The following LANCL3 variants were observed in gnomAD, a reference collection of about 807,000 sequenced individuals.
LANCL3 encodes the protein LanC like family member 3, also known as lanC-like protein 3.
A neutral mutation model predicts 26.5 loss-of-function variants in LANCL3; 19 were observed. The ratio of observed to expected loss-of-function variants is 0.72; its 90% CI spans 0.50 to 1.05. LANCL3 has a LOEUF of 1.05. Ranked by LOEUF, LANCL3 falls within the 50% of genes least tolerant of loss-of-function variation. The pLI is 0.00. For missense variants in LANCL3, 318 were observed against 362.7 expected, an observed-to-expected ratio of 0.88 and a Z score of 1.00; for synonymous variants, 160 against 166.6, an observed-to-expected ratio of 0.96 and a Z score of 0.30.
chrX:37,587,175 A>G (rs1388567813), intron 1 of LANCL3, among the ~76,000 whole-genome samples: 3 of 112,415 alleles, frequency 2.7e-5, no homozygotes, highest in Non-Finnish European at 5.6e-5. Context: ...TCAGAGGGGT[A>G]CCCGGCTGTG....
At chrX:37,590,960 G>A (rs1924255090) in intron 1 of LANCL3, among the ~76,000 whole-genome samples, 1 of 111,938 alleles carries the variant, frequency 8.9e-6, no homozygotes, top group East Asian at 2.8e-4. Flanking sequence ...TTCTTAGACT[G>A]TACCCTTAAC....
rs1389442392 is a variant in LANCL3, at chrX:37,681,769, CCT to C, written c.*5961_*5962del. The C allele has an allele frequency of 9.0e-6, 1 of 111,209 alleles. No individual in the cohort carries two copies. Among genetic ancestry groups the C allele is most frequent in the African/African-American group, 3.3e-5 (1 of 30,547 alleles). 9.2% of individuals were successfully genotyped at this position (111,209 alleles called of 1,213,427 possible). ...CTCCATAAGAAAAACTTTGTGTTTT[CCT>C]CTCTTTCTCCACTCCTTTTGGGGCC... On this transcript the variant is annotated 3_prime_UTR_variant, in exon 5 of 5. Coordinates refer to ENST00000378619, the MANE Select transcript of LANCL3 (RefSeq NM_001170331.2).
In LANCL3 at chrX:37,679,722, G is replaced by A. The variant is rs1445564104; in HGVS notation, c.*3909G>A. ...CCCAAATTAATAGCTAAATGACTGA[G>A]CCTCAAATTTGCCGAGCCCGTGTAA... On this transcript the variant is annotated 3_prime_UTR_variant, in exon 5 of 5. Transcript: ENST00000378619. The A allele has an allele frequency of 9.0e-6, 1 of 111,318 alleles. No homozygotes were observed. The highest frequency in any genetic ancestry group is 1.9e-5 in the Non-Finnish European group (1 of 53,065). The allele number at this position is 111,318 out of a possible 1,213,427, so 9.2% of individuals were successfully genotyped here. A position where few individuals can be genotyped will look rare whatever the true frequency, so the allele number is the denominator to read the frequency against.
chrX:37,670,940 G>T (rs189289870), intron 4 of LANCL3, among the ~76,000 whole-genome samples: 37 of 111,294 alleles, frequency 3.3e-4, no homozygotes, highest in Admixed American at 6.7e-4. Flanking sequence ...TAGGTTTATT[G>T]TGAGTGGACT....
At chrX:37,590,354 AT>A (rs1289732158) in intron 1 of LANCL3, among the ~76,000 whole-genome samples, 1 of 112,741 alleles carries the variant, frequency 8.9e-6, no homozygotes, top group Non-Finnish European at 1.9e-5. Flanking sequence ...GGTCATGTAC[AT>A]TTATTAGCTT....
At chrX:37,609,288 G>A (rs1392519627) in intron 1 of LANCL3, among the ~76,000 whole-genome samples, 1 of 111,612 alleles carries the variant, frequency 9.0e-6, no homozygotes, top group Non-Finnish European at 1.9e-5. Flanking sequence ...AATATTCCTT[G>A]TTGATCTGGA....
intron 3 of LANCL3, among the ~76,000 whole-genome samples, chrX:37,662,526 C>T (rs1479604848): frequency 8.9e-6 from 1 of 111,920 alleles, no homozygotes; most frequent in Non-Finnish European, 1.9e-5. Context: ...ACAATGCATG[C>T]CTCAGCGGAA....
intron 1 of LANCL3, among the ~76,000 whole-genome samples, chrX:37,587,917 C>T (rs781956271): frequency 8.9e-6 from 1 of 112,160 alleles, no homozygotes; most frequent in Non-Finnish European, 1.9e-5. Context: ...TGGAGCTGTT[C>T]CTATTTGGCC....
chrX:37,597,253 A>G (rs1924457045), intron 1 of LANCL3, among the ~76,000 whole-genome samples: 1 of 112,033 alleles, frequency 8.9e-6, no homozygotes, highest in African/African-American at 3.2e-5. Flanking sequence ...CATTGGAGTT[A>G]TTTCCAGTTA....
At chrX:37,585,758 G>C (rs782380104) in intron 1 of LANCL3, among the ~76,000 whole-genome samples, 1 of 111,251 alleles carries the variant, frequency 9.0e-6, no homozygotes, top group Non-Finnish European at 1.9e-5. Context: ...CCAATTTGCC[G>C]GTCTGTGTCT....
intron 1 of LANCL3, among the ~76,000 whole-genome samples, chrX:37,641,946 A>G (rs1925874936): frequency 9.0e-6 from 1 of 111,719 alleles, no homozygotes; most frequent in African/African-American, 3.3e-5. Flanking sequence ...GTGACTTTTA[A>G]GGATTTGAGG....
intron 1 of LANCL3, among the ~76,000 whole-genome samples, chrX:37,597,995 C>T (rs1259125689): frequency 9.1e-6 from 1 of 110,371 alleles, no homozygotes; most frequent in African/African-American, 3.3e-5. Flanking sequence ...ATACTTTGTC[C>T]ATTTTTAATT....
chrX:37,617,643 C>T (rs1925045299), intron 1 of LANCL3, among the ~76,000 whole-genome samples: 1 of 111,719 alleles, frequency 9.0e-6, no homozygotes, highest in Non-Finnish European at 1.9e-5. Flanking sequence ...TTCTAGTAAT[C>T]TCAGCCCAAT....
chrX:37,667,774 C>T (rs1345598752), intron 4 of LANCL3, among the ~76,000 whole-genome samples: 1 of 111,342 alleles, frequency 9.0e-6, no homozygotes, highest in African/African-American at 3.3e-5. Flanking sequence ...GCTCATGATT[C>T]TGCAGGCTCT....
intron 3 of LANCL3, among the ~76,000 whole-genome samples, chrX:37,664,865 G>A (rs1228417921): frequency 9.0e-6 from 1 of 111,673 alleles, no homozygotes; most frequent in African/African-American, 3.3e-5. Flanking sequence ...ATGGCCTCCA[G>A]CACCATCCAT....
intron 1 of LANCL3, among the ~76,000 whole-genome samples, chrX:37,650,223 A>G (rs1479016608): frequency 9.5e-6 from 1 of 105,007 alleles, no homozygotes; most frequent in African/African-American, 3.5e-5. Flanking sequence ...GAATTGCTTT[A>G]ATCCAGGAGG....
chrX:37,599,759 T>A (rs1481852860), intron 1 of LANCL3, among the ~76,000 whole-genome samples: 1 of 112,310 alleles, frequency 8.9e-6, no homozygotes, highest in Non-Finnish European at 1.9e-5. Flanking sequence ...GTTCACAGTC[T>A]TCTTAGAAGA....
intron 1 of LANCL3, among the ~76,000 whole-genome samples, chrX:37,591,930 C>T (rs1322080935): frequency 9.0e-6 from 1 of 110,562 alleles, no homozygotes; most frequent in Non-Finnish European, 1.9e-5. Context: ...TGCAGTTCCT[C>T]CACCTGGGCC....
At chrX:37,656,639 A>G (rs782192013) in intron 2 of LANCL3, among the ~76,000 whole-genome samples, 1 of 112,701 alleles carries the variant, frequency 8.9e-6, no homozygotes, top group Admixed American at 9.4e-5. Context: ...ACTGGGTAAC[A>G]TGCTGTCATC....
Sources: gnomAD v4.1 joint callset for allele counts (sites outside exome capture counted in the v4.1 genomes callset) on GRCh38, gnomAD v4.1.1 for gene constraint, MANE v1.5 for transcripts, NCBI Gene and HGNC (gene_info 2026-07-23, HGNC 2026-07-21) for gene names.